DPP10: variants seen among roughly 807,000 people sequenced by gnomAD.
The protein encoded by DPP10 is dipeptidyl peptidase like 10.
In DPP10, 33 loss-of-function variants were observed where a neutral mutation model predicts 120.9. The ratio of observed to expected loss-of-function variants is 0.27; its 90% CI spans 0.21 to 0.37. DPP10 has a LOEUF of 0.37. Ranked by LOEUF, DPP10 falls within the 10% of genes least tolerant of loss-of-function variation. DPP10 has a pLI of 1.00. For synonymous variants in DPP10, 337 were observed against 326.1 expected, an observed-to-expected ratio of 1.03 and a Z score of -0.36; for missense variants, 816 against 942.8, an observed-to-expected ratio of 0.87 and a Z score of 1.76.
At chr2:115,075,242 CTT>C (rs1707689271) in intron 1 of DPP10, among the ~76,000 whole-genome samples, 1 of 152,222 alleles carries the variant, frequency 6.6e-6, no homozygotes, top group South Asian at 2.1e-4. Context: ...CACAAATTCT[CTT>C]TCTTAGAAGT....
At chr2:115,021,639 G>A (rs1703082679) in intron 1 of DPP10, among the ~76,000 whole-genome samples, 1 of 152,056 alleles carries the variant, frequency 6.6e-6, no homozygotes, top group Non-Finnish European at 1.5e-5. Flanking sequence ...GAGAAAGAGG[G>A]AATCCTACCT....
At chr2:115,183,015 A>G (rs1054912477) in intron 1 of DPP10, among the ~76,000 whole-genome samples, 1 of 150,954 alleles carries the variant, frequency 6.6e-6, no homozygotes, top group Non-Finnish European at 1.5e-5. Context: ...TTACACGCAC[A>G]CACACACACA....
intron 7 of DPP10, among the ~76,000 whole-genome samples, chr2:115,709,850 A>G (rs1338637799): frequency 2.0e-5 from 3 of 152,134 alleles, no homozygotes; most frequent in African/African-American, 7.2e-5. Flanking sequence ...AAAGGAGAGA[A>G]TGGAGCAGGA....
chr2:114,558,245 A>G (rs1688479317), intron 1 of DPP10, among the ~76,000 whole-genome samples: 1 of 152,182 alleles, frequency 6.6e-6, no homozygotes, highest in Non-Finnish European at 1.5e-5. Context: ...CCTCAGATTG[A>G]ATGGTAGTTT....
At chr2:115,373,179 C>T (rs576789617) in intron 3 of DPP10, among the ~76,000 whole-genome samples, 47 of 152,296 alleles carry the variant, frequency 3.1e-4, no homozygotes, top group African/African-American at 1.1e-3. Flanking sequence ...AATATGCATT[C>T]AGTGCTTGTC....
At chr2:114,953,717 T>A (rs969870161) in intron 1 of DPP10, among the ~76,000 whole-genome samples, 1 of 152,150 alleles carries the variant, frequency 6.6e-6, no homozygotes, top group African/African-American at 2.4e-5. Flanking sequence ...TGGTCAATAA[T>A]AGATTGTTCA....
chr2:115,345,320 T>C (rs2063657369), intron 3 of DPP10, among the ~76,000 whole-genome samples: 1 of 152,174 alleles, frequency 6.6e-6, no homozygotes, highest in Non-Finnish European at 1.5e-5. Flanking sequence ...ATTTCACATA[T>C]ACACTATAAT....
At chr2:115,275,862 G>C (rs1004932787) in intron 1 of DPP10, among the ~76,000 whole-genome samples, 1 of 151,952 alleles carries the variant, frequency 6.6e-6, no homozygotes, top group Admixed American at 6.6e-5. Context: ...ACCACGCCCG[G>C]CTAATTTTTT....
intron 8 of DPP10, among the ~76,000 whole-genome samples, chr2:115,734,747 TA>T (rs900444802): frequency 2.7e-5 from 4 of 149,698 alleles, no homozygotes; most frequent in East Asian, 2.0e-4. Flanking sequence ...CGTATATGTA[TA>T]TTTTTTTCTG....
intron 1 of DPP10, among the ~76,000 whole-genome samples, chr2:115,250,886 A>C (rs965010528): frequency 6.6e-6 from 1 of 152,218 alleles, no homozygotes; most frequent in Non-Finnish European, 1.5e-5. Flanking sequence ...TGACAACAGC[A>C]TATATGTCCA....
intron 1 of DPP10, among the ~76,000 whole-genome samples, chr2:114,530,239 G>T (rs1328283794): frequency 6.6e-6 from 1 of 152,128 alleles, no homozygotes; most frequent in Non-Finnish European, 1.5e-5. Flanking sequence ...GTGGAAGGAT[G>T]TTCTGTGCCT....
chr2:114,613,906 G>A (rs1183190490), intron 1 of DPP10, among the ~76,000 whole-genome samples: 2 of 152,140 alleles, frequency 1.3e-5, no homozygotes, highest in African/African-American at 4.8e-5. Context: ...CTCATAAGTG[G>A]GAGTAGAACA....
At chr2:114,822,686 G>A (rs534170094) in intron 1 of DPP10, among the ~76,000 whole-genome samples, 49 of 151,748 alleles carry the variant, frequency 3.2e-4, no homozygotes, top group South Asian at 4.2e-4. Flanking sequence ...GTATACATGC[G>A]CCATGTTATG....
intron 3 of DPP10, among the ~76,000 whole-genome samples, chr2:115,354,707 C>G (rs909752153): frequency 1.3e-5 from 2 of 151,982 alleles, no homozygotes; most frequent in Non-Finnish European, 2.9e-5. Context: ...CCTCGCCCCC[C>G]ACCCAACAAT....
At chr2:114,648,300 T>C (rs964877732) in intron 1 of DPP10, among the ~76,000 whole-genome samples, 25 of 152,346 alleles carry the variant, frequency 1.6e-4, no homozygotes, top group African/African-American at 5.3e-4. Flanking sequence ...AGATCATCTA[T>C]GAAACTAGCA....
chr2:115,005,453 A>C (rs1384835829), intron 1 of DPP10, among the ~76,000 whole-genome samples: 10 of 151,824 alleles, frequency 6.6e-5, no homozygotes, highest in Non-Finnish European at 1.3e-4. Flanking sequence ...AAAGGCAAAG[A>C]AGTTGAAAAC....
chr2:115,600,446 A>C (rs890844384), intron 5 of DPP10, among the ~76,000 whole-genome samples: 14 of 152,186 alleles, frequency 9.2e-5, no homozygotes, highest in Admixed American at 7.2e-4. Flanking sequence ...AGGACAATAA[A>C]AGTTTTTCTT....
chr2:114,894,583 T>C (rs1457499105), intron 1 of DPP10, among the ~76,000 whole-genome samples: 1 of 152,204 alleles, frequency 6.6e-6, no homozygotes, highest in African/African-American at 2.4e-5. Context: ...GGAAGTATAC[T>C]GTATCAAAGC....
At chr2:115,502,140 T>A (rs1193224034) in intron 4 of DPP10, among the ~76,000 whole-genome samples, 1 of 152,138 alleles carries the variant, frequency 6.6e-6, no homozygotes, top group African/African-American at 2.4e-5. Flanking sequence ...TCTTATGATA[T>A]CTTGTTTGAC....
Sources: gnomAD v4.1 joint callset for allele counts (sites outside exome capture counted in the v4.1 genomes callset) on GRCh38, gnomAD v4.1.1 for gene constraint, MANE v1.5 for transcripts, NCBI Gene and HGNC (gene_info 2026-07-23, HGNC 2026-07-21) for gene names.